ESR1: variants seen among roughly 807,000 people sequenced by gnomAD.
The protein encoded by ESR1 is estrogen receptor.
ESR1 carries 12 observed loss-of-function variants against 52.7 expected under a neutral mutation model. The observed-to-expected ratio is 0.23, with a 90% CI of 0.15 to 0.37. ESR1 has a LOEUF of 0.37. Among genes scored for constraint, ESR1 ranks in the 10% least tolerant of loss-of-function variants. ESR1 has a pLI of 1.00. For synonymous variants in ESR1, 305 were observed against 316.8 expected, an observed-to-expected ratio of 0.96 and a Z score of 0.39; for missense variants, 584 against 779.7, an observed-to-expected ratio of 0.75 and a Z score of 2.99.
intron 5 of ESR1, among the ~76,000 whole-genome samples, chr6:152,035,919 T>C (rs183382392): frequency 6.6e-6 from 1 of 152,350 alleles, no homozygotes; most frequent in East Asian, 1.9e-4. Context: ...CAGATGAATG[T>C]AGGACTTAAT....
intron 5 of ESR1, among the ~76,000 whole-genome samples, chr6:152,023,085 C>T (rs372727676): frequency 1.3e-5 from 2 of 151,860 alleles, no homozygotes; most frequent in East Asian, 1.9e-4. Flanking sequence ...TCATCAGGAG[C>T]TCATTGTTTC....
At chr6:152,030,934 C>T (rs2044641491) in intron 5 of ESR1, among the ~76,000 whole-genome samples, 1 of 152,176 alleles carries the variant, frequency 6.6e-6, no homozygotes, top group Non-Finnish European at 1.5e-5. Context: ...TTATAACAAA[C>T]TATCTCTCAG....
intron 3 of ESR1, among the ~76,000 whole-genome samples, chr6:151,910,093 T>A (rs1361662962): frequency 6.6e-6 from 1 of 151,602 alleles, no homozygotes; most frequent in African/African-American, 2.4e-5. Flanking sequence ...AAGGATATAC[T>A]ATGTATCTAG....
intron 2 of ESR1, among the ~76,000 whole-genome samples, chr6:151,739,510 G>T (rs1782921511): frequency 6.6e-6 from 1 of 152,152 alleles, no homozygotes; most frequent in Non-Finnish European, 1.5e-5. Flanking sequence ...TATTGTCAAA[G>T]TGAAAAACAG....
chr6:151,988,126 T>C (rs1004685720), intron 4 of ESR1, among the ~76,000 whole-genome samples: 3 of 152,090 alleles, frequency 2.0e-5, no homozygotes, highest in African/African-American at 7.3e-5. Context: ...TTACATTAAT[T>C]GTGCACTTTA....
In ESR1 at chr6:151,772,306, G is replaced by C. The variant is rs76300001; in HGVS notation, c.-70-35537G>C. ...TGCAAGAGTGGCCCTTCCAACATATGCACCAATCTGAATCTCTCCAAAGTT... is the reference window on the plus strand; with the variant it reads ...TGCAAGAGTGGCCCTTCCAACATATCCACCAATCTGAATCTCTCCAAAGTT... On this transcript the variant is annotated intron_variant, in intron 2 of 2. Coordinates refer to the ESR1 transcript ENST00000404742. Among the ~76,000 whole-genome samples, 43 of 152,246 alleles carry C rather than the reference G, an allele frequency of 2.8e-4. No individual in the cohort carries two copies. In the East Asian group the frequency reaches 5.8e-3, roughly 20 times the overall value.
intron 2 of ESR1, among the ~76,000 whole-genome samples, chr6:151,849,811 G>A (rs771186271): frequency 1.3e-5 from 2 of 150,876 alleles, no homozygotes; most frequent in East Asian, 3.9e-4. Flanking sequence ...ATGTGAAACA[G>A]TATTGAGAAA....
intron 3 of ESR1, among the ~76,000 whole-genome samples, chr6:151,939,877 A>C (rs2034840318): frequency 6.6e-6 from 1 of 152,162 alleles, no homozygotes; most frequent in Admixed American, 6.6e-5. Flanking sequence ...AAGCAAAAAA[A>C]CAAAATCTCT....
chr6:151,747,059 T>C (rs1445435132), intron 2 of ESR1, among the ~76,000 whole-genome samples: 2 of 152,260 alleles, frequency 1.3e-5, no homozygotes, highest in Non-Finnish European at 2.9e-5. Flanking sequence ...ATCCCACATA[T>C]CAATATTGTC....
intron 6 of ESR1, among the ~76,000 whole-genome samples, chr6:152,076,328 C>T (rs34777288): frequency 0.21 from 32,197 of 152,060 alleles, 4,798 homozygotes; most frequent in African/African-American, 0.41. Context: ...AAGTGCCTTT[C>T]GCCTCCCACC....
At chr6:151,907,839 A>G (rs1797683560) in intron 3 of ESR1, among the ~76,000 whole-genome samples, 1 of 152,198 alleles carries the variant, frequency 6.6e-6, no homozygotes, top group Non-Finnish European at 1.5e-5. Flanking sequence ...ATCATGGTAC[A>G]TCATATAAAA....
chr6:152,018,269 A>G (rs2043313216), intron 5 of ESR1, among the ~76,000 whole-genome samples: 1 of 151,802 alleles, frequency 6.6e-6, no homozygotes. Context: ...GAACATTTTC[A>G]TTTTAGGTTG....
At chr6:151,823,237 T>C (rs998412007) in intron 1 of ESR1, among the ~76,000 whole-genome samples, 3 of 152,008 alleles carry the variant, frequency 2.0e-5, no homozygotes, top group Non-Finnish European at 2.9e-5. Flanking sequence ...AGGCTGGAGG[T>C]TTTCTGTTAT....
chr6:151,906,056 T>G (rs1298981737), intron 3 of ESR1, among the ~76,000 whole-genome samples: 1 of 152,124 alleles, frequency 6.6e-6, no homozygotes, highest in Non-Finnish European at 1.5e-5. Flanking sequence ...AATTGCAACC[T>G]CGGCGTAAAT....
At chr6:151,817,289 C>G (rs1779816387) in intron 1 of ESR1, among the ~76,000 whole-genome samples, 1 of 152,146 alleles carries the variant, frequency 6.6e-6, no homozygotes, top group Non-Finnish European at 1.5e-5. Context: ...ACAAACAAAA[C>G]AAATTTTGGG....
chr6:151,742,941 TTGAA>T (rs1446311553), intron 2 of ESR1, among the ~76,000 whole-genome samples: 2 of 152,198 alleles, frequency 1.3e-5, no homozygotes, highest in African/African-American at 2.4e-5. Flanking sequence ...AAGACGAAAA[TTGAA>T]TGGTGCTTAA....
intron 5 of ESR1, among the ~76,000 whole-genome samples, chr6:152,019,692 A>G (rs547058947): frequency 2.0e-5 from 3 of 152,324 alleles, no homozygotes; most frequent in Admixed American, 1.3e-4. Context: ...AAATATTCTC[A>G]TAATATTTAA....
intron 6 of ESR1, among the ~76,000 whole-genome samples, chr6:152,077,214 C>T (rs190387442): frequency 8.5e-5 from 13 of 152,296 alleles, no homozygotes; most frequent in Non-Finnish European, 1.5e-4. Context: ...TGAGGTACCA[C>T]GGTTTCAGAG....
intron 4 of ESR1, among the ~76,000 whole-genome samples, chr6:151,971,214 T>C (rs1463962161): frequency 6.6e-6 from 1 of 152,088 alleles, no homozygotes; most frequent in Non-Finnish European, 1.5e-5. Context: ...TTCCCACAGG[T>C]TTTTGAGGAA....
Sources: gnomAD v4.1 joint callset for allele counts (sites outside exome capture counted in the v4.1 genomes callset) on GRCh38, gnomAD v4.1.1 for gene constraint, MANE v1.5 for transcripts, NCBI Gene and HGNC (gene_info 2026-07-23, HGNC 2026-07-21) for gene names.